The following KDM3A variants were observed in gnomAD, a reference collection of about 807,000 sequenced individuals.
KDM3A encodes lysine-specific demethylase 3A.
In KDM3A, 60 loss-of-function variants were observed where a neutral mutation model predicts 158.0. That is an observed-to-expected ratio of 0.38 (90% CI 0.31 to 0.47). The LOEUF (loss-of-function observed/expected upper bound fraction) is 0.47. Among genes scored for constraint, KDM3A ranks in the 20% least tolerant of loss-of-function variants. The probability of loss-of-function intolerance (pLI) is 0.99; values close to 1 mark genes in which losing one functional copy is unlikely to be tolerated. For synonymous variants in KDM3A, 608 were observed against 549.3 expected (o/e 1.11, Z -1.49); for missense variants, 1,319 against 1,574.3 (o/e 0.84, Z 2.74).
Position 86,491,158 on chromosome 2 carries a change from C to T in KDM3A, c.3768C>T (p.Ser1256=), listed in dbSNP as rs1224629983. 6.2e-7 allele frequency: 1 copy of T among 1,613,838 alleles called. No homozygotes were observed. The highest frequency in any genetic ancestry group is 8.5e-7 in the Non-Finnish European group (1 of 1,179,906). ...GAPHQVHNLY[S]CIKVAEDFVS... ...TTTTTCAGGTTCATAACTTATATAGCTGCATCAAAGTGGCTGAAGATTTTG... is the reference window on the plus strand; with the variant it reads ...TTTTTCAGGTTCATAACTTATATAGTTGCATCAAAGTGGCTGAAGATTTTG... Residue 1256 remains serine, a synonymous_variant, in exon 25 of 26, where the codon AGC becomes AGT. Transcript: ENST00000312912.
At chr2:86,455,312 G>A in intron 5 of KDM3A, 125 bp downstream of exon 5, 4 of 592,798 alleles carry the variant, frequency 6.7e-6, no homozygotes, top group Non-Finnish European at 8.6e-6. Context: ...TTTTTTTTGA[G>A]ACAGTCTAGT....
At chr2:86,467,543 C>T (rs73949512) in intron 10 of KDM3A, among the ~76,000 whole-genome samples, 12,987 of 152,086 alleles carry the variant, frequency 0.085, 1,216 homozygotes, top group African/African-American at 0.24. Context: ...GAAATTGGTA[C>T]GTTGTACTTG....
chr2:86,469,396 T>C (rs539596713), intron 10 of KDM3A, among the ~76,000 whole-genome samples: 1 of 152,360 alleles, frequency 6.6e-6, no homozygotes, highest in African/African-American at 2.4e-5. Context: ...AGGTCTTTTC[T>C]GTTTTCTATG....
At chr2:86,466,321 G>A (rs1286777724) in intron 9 of KDM3A, 51 bp from the exon 10 acceptor site, 4 of 1,526,148 alleles carry the variant, frequency 2.6e-6, no homozygotes, top group Non-Finnish European at 3.5e-6. Flanking sequence ...GGAAGATAAT[G>A]GAGAGATAAA....
At position 86,466,707 on chromosome 2, in the gene KDM3A, A is replaced by T; in HGVS notation, c.1343A>T (p.Asp448Val). Residue 448 changes from aspartate (D) to valine (V), a missense_variant, in exon 10 of 26, where the codon GAT (aspartate) becomes GTT (valine). Around this residue, in one of 4 missense-constraint regions of KDM3A, gnomAD observed 652 missense variants for 627.2 expected, o/e 1.04. Coordinates refer to ENST00000312912, the MANE Select transcript of KDM3A (RefSeq NM_018433.6). Reference sequence around the variant, plus strand: ...CTAGAACATGCACCTTCCCCATCGGATGTTTCAAATGCACCAGAAGTGAAA... The same window carrying T: ...CTAGAACATGCACCTTCCCCATCGGTTGTTTCAAATGCACCAGAAGTGAAA... Reference protein sequence around the residue: ...KHLEHAPSPSDVSNAPEVKAG... With the variant: ...KHLEHAPSPSVVSNAPEVKAG... 6.2e-7 allele frequency: 1 copy of T among 1,613,942 alleles called. No individual in the cohort carries two copies. Among genetic ancestry groups the T allele is most frequent in the South Asian group, 1.1e-5 (1 of 91,074 alleles).
intron 8 of KDM3A, among the ~76,000 whole-genome samples, chr2:86,458,091 G>A (rs969624043): frequency 2.0e-5 from 3 of 152,162 alleles, no homozygotes; most frequent in Non-Finnish European, 2.9e-5. Context: ...TTTAAAAACT[G>A]ACCAAGGCCA....
In KDM3A at chr2:86,441,427, AGGGAGGC is replaced by A. The variant is rs1245532197; in HGVS notation, c.-37_-31del. The stretch of plus-strand genomic sequence containing the variant: ...AAACGGCGGCTGCCGCCGGTGACTC[AGGGAGGC>A]GGGAGGCGGGGTAAGAGCGCCGCGG... On this transcript the variant is annotated 5_prime_UTR_variant, in exon 1 of 26. Transcript: ENST00000312912. 6.6e-6 allele frequency: 1 copy of A among 152,516 alleles called. No individual in the cohort carries two copies. Among genetic ancestry groups the A allele is most frequent in the East Asian group, 1.9e-4 (1 of 5,158 alleles). 9.4% of individuals were successfully genotyped at this position (152,516 alleles called of 1,614,324 possible).
intron 2 of KDM3A, among the ~76,000 whole-genome samples, chr2:86,448,689 A>G (rs767914833): frequency 1.4e-4 from 21 of 152,302 alleles, no homozygotes; most frequent in Middle Eastern, 3.4e-3. Flanking sequence ...TTGAAAAGGG[A>G]TGTATGAGTG....
At position 86,456,838 on chromosome 2, in the gene KDM3A, A is replaced by T; in HGVS notation, c.715A>T (p.Ile239Phe). Residue 239 changes from isoleucine to phenylalanine, a missense_variant, in exon 7 of 26, where the codon ATT becomes TTT. Ile to Phe is a conservative substitution (Grantham distance 21). Transcript: ENST00000312912. The part of the protein sequence containing the change: ...PALKIVDPSL[I>F]HVEVVHDNLV... Reference sequence around the variant, plus strand: ...ACTGAAAATTGTTGATCCGTCACTGATTCATGTTGAAGTTGTACACGATAA... The same window carrying T: ...ACTGAAAATTGTTGATCCGTCACTGTTTCATGTTGAAGTTGTACACGATAA... The T allele has an allele frequency of 3.1e-6, 5 of 1,612,678 alleles. No homozygotes were observed. Among genetic ancestry groups the T allele is most frequent in the Non-Finnish European group, 4.2e-6 (5 of 1,178,956 alleles).
At chr2:86,478,840 A>G (rs1222455607) in intron 15 of KDM3A, 105 bp downstream of exon 15, 1 of 1,055,558 alleles carries the variant, frequency 9.5e-7, no homozygotes, top group East Asian at 2.4e-5. Context: ...GAACCTGGGG[A>G]TAGCTATCAA....
At chr2:86,439,269 T>A (rs571231995), upstream of KDM3A, among the ~76,000 whole-genome samples, 4 of 152,154 alleles carry the variant, frequency 2.6e-5, no homozygotes, top group East Asian at 7.7e-4. Flanking sequence ...TGAATTTTAG[T>A]AATTTTCTAA....
At position 86,452,750 on chromosome 2, in the gene KDM3A, G is replaced by A. The variant is rs1008779691; in HGVS notation, c.453+1537G>A. Among the ~76,000 whole-genome samples, 91 of 152,164 alleles carry A rather than the reference G, an allele frequency of 6.0e-4. 2 individuals are homozygous for A. The highest frequency in any genetic ancestry group is 2.2e-4 in the African/African-American group (9 of 41,434). On this transcript the variant is annotated intron_variant, in intron 4 of 25. Coordinates refer to ENST00000312912, the MANE Select transcript of KDM3A (RefSeq NM_018433.6). ...GTTATCAGGTTGCCGAGCCTGTATCGGGAAGCCCAAAGCACTGGCTTTTCC... is the reference window on the plus strand; with the variant it reads ...GTTATCAGGTTGCCGAGCCTGTATCAGGAAGCCCAAAGCACTGGCTTTTCC...
intron 1 of KDM3A, 95 bp from the exon 2 acceptor site, chr2:86,441,923 C>T (rs1682733925): frequency 1.0e-6 from 1 of 979,696 alleles, no homozygotes; most frequent in Non-Finnish European, 1.5e-6. Flanking sequence ...CGTCCTCGCG[C>T]GGGTTCGGCG....
chr2:86,485,422 A>G (rs1222404199), intron 20 of KDM3A, among the ~76,000 whole-genome samples: 1 of 152,230 alleles, frequency 6.6e-6, no homozygotes, highest in East Asian at 1.9e-4. Flanking sequence ...ACTGAGCTTG[A>G]AACTTTGAAA....
At chr2:86,467,763 G>A (rs1673221372) in intron 10 of KDM3A, among the ~76,000 whole-genome samples, 1 of 152,222 alleles carries the variant, frequency 6.6e-6, no homozygotes, top group Non-Finnish European at 1.5e-5. Context: ...GCTAACACCT[G>A]TAATCCTAAT....
intron 18 of KDM3A, 177 bp downstream of exon 18, chr2:86,482,871 C>T: frequency 1.6e-6 from 1 of 636,360 alleles, no homozygotes; most frequent in Non-Finnish European, 2.7e-6. Context: ...CTTTTTAAAG[C>T]AGATGGTCCT....
At chr2:86,444,094 T>C (rs2104618250) in intron 2 of KDM3A, among the ~76,000 whole-genome samples, 1 of 152,322 alleles carries the variant, frequency 6.6e-6, no homozygotes, top group South Asian at 2.1e-4. Context: ...TAGGAGGAAC[T>C]TCACATGTAT....
At position 86,489,715 on chromosome 2, in the gene KDM3A, A is replaced by G. The variant is rs1573215874; in HGVS notation, c.3573+56A>G. 4.5e-6 allele frequency: 7 copies of G among 1,546,818 alleles called. No homozygotes were observed. The East Asian group carries it at 1.6e-4, about 35-fold the overall frequency. On this transcript the variant is annotated intron_variant, in intron 23 of 25. Coordinates refer to ENST00000312912, the MANE Select transcript of KDM3A (RefSeq NM_018433.6). ...GCATAAGGAATAGCAATATTATGTT[A>G]CTACATGTGGTGAACTGACTGGCTT...
At chr2:86,447,001 G>A (rs1008711275) in intron 2 of KDM3A, among the ~76,000 whole-genome samples, 1 of 152,128 alleles carries the variant, frequency 6.6e-6, no homozygotes, top group Non-Finnish European at 1.5e-5. Context: ...TTGTAGAGAC[G>A]AAGTTTCCCC....
Sources: gnomAD v4.1 joint callset for allele counts (sites outside exome capture counted in the v4.1 genomes callset) on GRCh38, gnomAD v4.1.1 for gene constraint, gnomAD v4.1.1 regional missense constraint, MANE v1.5 for transcripts, NCBI Gene and HGNC (gene_info 2026-07-23, HGNC 2026-07-21) for gene names.